Variants in COMP observed in about 807,000 individuals in gnomAD.
COMP encodes the protein cartilage oligomeric matrix protein (pseudoachondroplasia, epiphyseal dysplasia 1, multiple).
In COMP, 79 loss-of-function variants were observed where a neutral mutation model predicts 95.8. The observed-to-expected ratio is 0.82, with a 90% CI of 0.69 to 0.99. The LOEUF (loss-of-function observed/expected upper bound fraction) is 0.99. Among genes scored for constraint, COMP ranks in the 50% least tolerant of loss-of-function variants. COMP has a pLI of 0.00. For synonymous variants in COMP, 438 were observed against 433.9 expected (o/e 1.01, Z -0.12); for missense variants, 906 against 1,076.1 (o/e 0.84, Z 2.21).
chr19:18,787,552 G>T lies in COMP; in HGVS notation c.1074C>A (p.Asp358Glu). Reference protein sequence around the residue: ...CDNCRSQKNDDQKDTDQDGRG... With the variant: ...CDNCRSQKNDEQKDTDQDGRG... Reference sequence around the variant, plus strand: ...GGCCGTCCTGGTCTGTGTCCTTTTGGTCGTCGTTCTTCTGGGACCGGCAGT... The same window carrying T: ...GGCCGTCCTGGTCTGTGTCCTTTTGTTCGTCGTTCTTCTGGGACCGGCAGT... Residue 358 changes from aspartate to glutamate, a missense_variant, in exon 10 of 19, where the codon GAC becomes GAA. Physicochemically the swap from Asp to Glu is conservative, Grantham distance 45. Transcript: ENST00000222271. The T allele has an allele frequency of 6.2e-7, 1 of 1,614,064 alleles. No homozygotes were observed. The highest frequency in any genetic ancestry group is 8.5e-7 in the Non-Finnish European group (1 of 1,180,040).
rs3179763 is a variant in COMP, at chr19:18,786,645, G to A, written c.1141C>T (p.Arg381Cys). ...CTAGGGCAGTTGTCGGCCTGGTTGC[G>A]GATCCCTGCAGAAATCCACGGGACC... ...CDDDIDGDRI[R>C]NQADNCPRVP... Residue 381 changes from arginine to cysteine, a missense_variant, in exon 11 of 19, where the codon CGC (arginine) becomes TGC (cysteine). Arg to Cys is a radical substitution (Grantham distance 180). Transcript: ENST00000222271. 4.3e-6 allele frequency: 7 copies of A among 1,613,486 alleles called. No individual in the cohort carries two copies. The East Asian group carries it at 6.7e-5, about 15-fold the overall frequency.
rs1568556463 is a variant in COMP at position 18,788,831 on chromosome 19, G to A, written c.603+8C>T. Reference sequence around the variant, plus strand: ...CGCGATCCTTTCTTCCTCCCCAGCGGGCCTTACCCGGGTGTTGATGCACAC... The same window carrying A: ...CGCGATCCTTTCTTCCTCCCCAGCGAGCCTTACCCGGGTGTTGATGCACAC... On this transcript the variant is annotated splice_region_variant and intron_variant, in intron 6 of 18. Transcript: ENST00000222271. The surrounding 1 kb of genome is among the most constrained non-coding windows in gnomAD (Gnocchi z 4.7). 6.2e-7 allele frequency: 1 copy of A among 1,613,694 alleles called. No individual in the cohort carries two copies. Among genetic ancestry groups the A allele is most frequent in the Non-Finnish European group, 8.5e-7 (1 of 1,179,918 alleles).
Position 18,789,910 on chromosome 19 carries a change from G to T in COMP, c.390+32C>A. 6.3e-7 allele frequency: 1 copy of T among 1,593,828 alleles called. No homozygotes were observed. The highest frequency in any genetic ancestry group is 8.5e-7 in the Non-Finnish European group (1 of 1,178,078). ...AGATTGGGGGGCGGTAGAGGGAGTCGTCAGGGCGGTGGAGTGTCGGGGCTA... is the reference window on the plus strand; with the variant it reads ...AGATTGGGGGGCGGTAGAGGGAGTCTTCAGGGCGGTGGAGTGTCGGGGCTA... On this transcript the variant is annotated intron_variant, in intron 4 of 18. Transcript: ENST00000222271. This position sits in a 1 kb window ranked among gnomAD's most constrained non-coding sequence, Gnocchi z 6.1.
rs1379380686 is a variant in COMP at position 18,784,169 on chromosome 19, CCA to C, written c.2087+20_2087+21del. 6.2e-7 allele frequency: 1 copy of C among 1,612,800 alleles called. No individual in the cohort carries two copies. Among genetic ancestry groups the C allele is most frequent in the Non-Finnish European group, 8.5e-7 (1 of 1,179,984 alleles). On this transcript the variant is annotated intron_variant, in intron 17 of 18. Transcript: ENST00000222271. The surrounding 1 kb of genome is among the most constrained non-coding windows in gnomAD (Gnocchi z 4.9). ...GCCTGTGTGTCCCCAGCCCAGCCCA[CCA>C]CAGAGGGTGGAGTCCCCACCTGATG...
In COMP at chr19:18,788,132, G is replaced by C. The variant is rs564770864; in HGVS notation, c.975+80C>G. 4.8e-5 allele frequency: 56 copies of C among 1,170,342 alleles called. No individual in the cohort carries two copies. Among genetic ancestry groups the C allele is most frequent in the Admixed American group, 3.9e-4 (21 of 54,270 alleles). The allele number at this position is 1,170,342 out of a possible 1,614,324, so 72.5% of individuals were successfully genotyped here. A position where few individuals can be genotyped will look rare whatever the true frequency, so the allele number is the denominator to read the frequency against. Reference sequence around the variant, plus strand: ...ATGGCCAGGATGGTCTCCATCTCTTGACCTCGTGATCCGCCCGCCTCGGCC... The same window carrying C: ...ATGGCCAGGATGGTCTCCATCTCTTCACCTCGTGATCCGCCCGCCTCGGCC... On this transcript the variant is annotated intron_variant, in intron 9 of 18. Coordinates refer to ENST00000222271, the MANE Select transcript of COMP (RefSeq NM_000095.3). This position sits in a 1 kb window ranked among gnomAD's most constrained non-coding sequence, Gnocchi z 4.7.
intron 14 of COMP, 33 bp from the exon 15 acceptor site, chr19:18,785,579 T>C: frequency 6.2e-7 from 1 of 1,613,980 alleles, no homozygotes; most frequent in Non-Finnish European, 8.5e-7. Context: ...GGCCTCAGGC[T>C]GGCCGTGACA....
Position 18,790,870 on chromosome 19 carries a change from G to A in COMP, c.145C>T (p.Arg49Trp). 2 of 1,567,098 alleles carry A rather than the reference G, an allele frequency of 1.3e-6. No homozygotes were observed. Among genetic ancestry groups the A allele is most frequent in the South Asian group, 1.2e-5 (1 of 86,254 alleles). The change falls in exon 2 of 19, where the codon CGG (arginine) becomes TGG (tryptophan). Residue 49 changes from arginine to tryptophan, a missense_variant. By Grantham distance (101) the Arg-to-Trp change is moderately radical (BLOSUM62 -3). Transcript: ENST00000222271. ...CGCACCTGCTGCCGCAGCAGCTCCC[G>A]CACGTCCTGCAGCGCCGCGTTGGTT... is the stretch of plus-strand genomic sequence containing the variant. ...QETNAALQDVRELLRQQVREI... is the reference protein window; with the variant it reads ...QETNAALQDVWELLRQQVREI...
rs1490151404 is a variant in COMP at position 18,786,477 on chromosome 19, C to G, written c.1254+55G>C. 3.2e-6 allele frequency: 5 copies of G among 1,559,446 alleles called. No homozygotes were observed. In the East Asian group the frequency reaches 9.0e-5, roughly 28 times the overall value. Reference sequence around the variant, plus strand: ...TAAGCTGGGCTGTGGGCTGGGTAATCCAACTTGCAGTTCACCCAGAGGGCT... The same window carrying G: ...TAAGCTGGGCTGTGGGCTGGGTAATGCAACTTGCAGTTCACCCAGAGGGCT... On this transcript the variant is annotated intron_variant, in intron 11 of 18. Coordinates refer to ENST00000222271, the MANE Select transcript of COMP (RefSeq NM_000095.3).
intron 10 of COMP, chr19:18,787,049 G>A (rs1439451188): frequency 1.4e-5 from 5 of 347,256 alleles, no homozygotes; most frequent in Non-Finnish European, 2.2e-5. Flanking sequence ...GGAATTATAG[G>A]CATGAGCCAC....
intron 11 of COMP, 63 bp from the exon 12 acceptor site, chr19:18,786,354 A>G: frequency 1.2e-6 from 2 of 1,610,562 alleles, no homozygotes; most frequent in Non-Finnish European, 1.7e-6. Flanking sequence ...CCTCCCACCC[A>G]ACCCAGCCGC....
rs1267765834 is a variant in COMP, at chr19:18,784,839, G to A, written c.1914+57C>T. ...CTCTAAGGGCTGTAAAGGGTTTTAC[G>A]GAGGGTCATGGGAGGGCATGAGGAC... is the stretch of plus-strand genomic sequence containing the variant. On this transcript the variant is annotated intron_variant, in intron 16 of 18. Coordinates refer to ENST00000222271, the MANE Select transcript of COMP (RefSeq NM_000095.3). This position sits in a 1 kb window ranked among gnomAD's most constrained non-coding sequence, Gnocchi z 4.9. The A allele has an allele frequency of 4.4e-6, 7 of 1,581,930 alleles. No homozygotes were observed. Among genetic ancestry groups the A allele is most frequent in the Middle Eastern group, 1.7e-4 (1 of 6,024 alleles).
Position 18,788,883 on chromosome 19 carries a change from C to G in COMP, c.559G>C (p.Gly187Arg). 2 of 1,613,912 alleles carry G rather than the reference C, an allele frequency of 1.2e-6. No homozygotes were observed. The highest frequency in any genetic ancestry group is 1.1e-5 in the South Asian group (1 of 91,050). ...VCTDINECET[G>R]QHNCVPNSVC... ...GAGTTGGGGACGCAGTTATGTTGCC[C>G]GGTCTCACACTCGTTGATGTCCGTG... Residue 187 changes from glycine to arginine, a missense_variant, in exon 6 of 19, where the codon GGG (glycine) becomes CGG (arginine). Physicochemically the swap from Gly to Arg is moderately radical, Grantham distance 125. Transcript: ENST00000222271. This position sits in a 1 kb window ranked among gnomAD's most constrained non-coding sequence, Gnocchi z 4.7.
rs1035099850 is a variant in COMP at position 18,784,268 on chromosome 19, G to T, written c.2010C>A (p.Asp670Glu). 2 of 1,613,930 alleles carry T rather than the reference G, an allele frequency of 1.2e-6. No homozygotes were observed. Among genetic ancestry groups the T allele is most frequent in the African/African-American group, 2.7e-5 (2 of 74,940 alleles). ...TGTCCTTCCAACCCACGTTTCGCGG[G>T]TCCTTCCACAGCAGCCGCACCTGGG... ...TESQVRLLWKDPRNVGWKDKK... is the reference protein window; with the variant it reads ...TESQVRLLWKEPRNVGWKDKK... Residue 670 changes from aspartate (D) to glutamate (E), a missense_variant, in exon 17 of 19, where the codon GAC becomes GAA. Asp to Glu is a conservative substitution (Grantham distance 45, BLOSUM62 2). Transcript: ENST00000222271. The surrounding 1 kb of genome is among the most constrained non-coding windows in gnomAD (Gnocchi z 4.9).
rs1417902861 is a variant in COMP at position 18,782,810 on chromosome 19, C to T, written c.*105G>A. 13 of 1,305,920 alleles carry T rather than the reference C, an allele frequency of 1.0e-5. No homozygotes were observed. The highest frequency in any genetic ancestry group is 1.4e-5 in the Non-Finnish European group (13 of 918,718). 80.9% of individuals were successfully genotyped at this position (1,305,920 alleles called of 1,614,324 possible). ...CACTTTATTTTGTCCTCTCTGAGCC[C>T]TTCTCACTTCCCCCTCAGGACGGCC... is the stretch of plus-strand genomic sequence containing the variant. On this transcript the variant is annotated 3_prime_UTR_variant, in exon 19 of 19. Coordinates refer to ENST00000222271, the MANE Select transcript of COMP (RefSeq NM_000095.3).
chr19:18,784,913 G>C lies in COMP; in HGVS notation c.1897C>G (p.Pro633Ala). ...QANPFRAVAE[P>A]GIQLKAVKSS... ...CCTGGCACCTTGAGTTGGATGCCAG[G>C]CTCGGCCACAGCACGGAAGGGGTTC... Residue 633 changes from proline to alanine, a missense_variant, in exon 16 of 19, where the codon CCT becomes GCT. Pro to Ala is a conservative substitution (Grantham distance 27). Coordinates refer to ENST00000222271, the MANE Select transcript of COMP (RefSeq NM_000095.3). This position sits in a 1 kb window ranked among gnomAD's most constrained non-coding sequence, Gnocchi z 4.9. The C allele has an allele frequency of 6.2e-7, 1 of 1,613,832 alleles. No homozygotes were observed. The highest frequency in any genetic ancestry group is 1.1e-5 in the South Asian group (1 of 91,074).
chr19:18,790,556 G>C lies in COMP; in HGVS notation c.217+6C>G, dbSNP rs1467533723. ...TTCTCTCTCCCGACCGCCCCGCCGC[G>C]CTCACCGCACGCGTCACACTCCATC... On this transcript the variant is annotated splice_donor_region_variant and intron_variant, in intron 3 of 18. Transcript: ENST00000222271. 6.2e-7 allele frequency: 1 copy of C among 1,613,424 alleles called. No individual in the cohort carries two copies.
At position 18,789,248 on chromosome 19, in the gene COMP, G is replaced by T. The variant is rs778825368; in HGVS notation, c.440C>A (p.Pro147Gln). The part of the protein sequence containing the change: ...FPRVRCINTS[P>Q]GFRCEACPPG... ...CGGGCAAGCCTCGCAGCGGAACCCCGGGCTGGTGTTGATACAGCGGACTCG... is the reference window on the plus strand; with the variant it reads ...CGGGCAAGCCTCGCAGCGGAACCCCTGGCTGGTGTTGATACAGCGGACTCG... The change falls in exon 5 of 19, where the codon CCG becomes CAG. Residue 147 changes from proline (P) to glutamine (Q), a missense_variant. Pro to Gln is a moderately conservative substitution (Grantham distance 76). Coordinates refer to ENST00000222271, the MANE Select transcript of COMP (RefSeq NM_000095.3). The surrounding 1 kb of genome is among the most constrained non-coding windows in gnomAD (Gnocchi z 6.1). 2.0e-6 allele frequency: 3 copies of T among 1,525,678 alleles called. No homozygotes were observed. Among genetic ancestry groups the T allele is most frequent in the East Asian group, 2.3e-5 (1 of 43,938 alleles). 94.5% of individuals were successfully genotyped at this position (1,525,678 alleles called of 1,614,324 possible).
chr19:18,783,025 C>T lies in COMP; in HGVS notation c.2227+29G>A, dbSNP rs781024416. 3.6e-5 allele frequency: 58 copies of T among 1,611,694 alleles called. No individual in the cohort carries two copies. In the East Asian group the frequency reaches 5.1e-4, roughly 14 times the overall value. On this transcript the variant is annotated intron_variant, in intron 18 of 18. Coordinates refer to ENST00000222271, the MANE Select transcript of COMP (RefSeq NM_000095.3). ...CAGCAGGGCCTGTGTGCAGACTCCCCGCCCACGGCCCGCTGGCCCTCGGCT... is the reference window on the plus strand; with the variant it reads ...CAGCAGGGCCTGTGTGCAGACTCCCTGCCCACGGCCCGCTGGCCCTCGGCT...
rs772854876 is a variant in COMP at position 18,783,193 on chromosome 19, CCT to C, written c.2088-2_2088-1del. 6.2e-7 allele frequency: 1 copy of C among 1,607,386 alleles called. No individual in the cohort carries two copies. Among genetic ancestry groups the C allele is most frequent in the African/African-American group, 1.3e-5 (1 of 75,064 alleles). On this transcript the variant is annotated splice_acceptor_variant, in intron 17 of 18. Transcript: ENST00000222271. LOFTEE classifies it high-confidence loss of function. ...GCTCAGGGCCCTCATAGAATCGCAC[CCT>C]GAGGGTCAGACATGGTGAGGCCTGG...
Sources: allele counts gnomAD v4.1 joint callset, GRCh38; gene constraint gnomAD v4.1.1; non-coding constraint Gnocchi (gnomAD v3.1); transcripts MANE v1.5; gene names NCBI Gene and HGNC (gene_info 2026-07-23, HGNC 2026-07-21).